Variants in GRID2 observed in about 807,000 individuals in gnomAD.
The protein encoded by GRID2 is glutamate ionotropic receptor delta type subunit 2.
GRID2 carries 33 observed loss-of-function variants against 114.8 expected under a neutral mutation model. That is an observed-to-expected ratio of 0.29 (90% confidence interval 0.22 to 0.38). The LOEUF (loss-of-function observed/expected upper bound fraction) is 0.38. Ranked by LOEUF, GRID2 falls within the 10% of genes least tolerant of loss-of-function variation. GRID2 has a pLI of 1.00. For synonymous variants in GRID2, 505 were observed against 449.9 expected, an observed-to-expected ratio of 1.12 and a Z score of -1.55; for missense variants, 1,184 against 1,257.7, an observed-to-expected ratio of 0.94 and a Z score of 0.89.
At chr4:93,457,401 A>T (rs1437047538) in intron 11 of GRID2, among the ~76,000 whole-genome samples, 1 of 152,086 alleles carries the variant, frequency 6.6e-6, no homozygotes, top group African/African-American at 2.4e-5. Context: ...AGCAGAGAGG[A>T]TCTAGTAAAG....
intron 2 of GRID2, among the ~76,000 whole-genome samples, chr4:92,714,773 A>G (rs140663204): frequency 2.0e-5 from 3 of 152,268 alleles, no homozygotes; most frequent in South Asian, 2.1e-4. Context: ...TGGAGTGGCT[A>G]GGACACAGGG....
At chr4:93,271,289 C>A (rs1383402927) in intron 8 of GRID2, among the ~76,000 whole-genome samples, 2 of 152,042 alleles carry the variant, frequency 1.3e-5, no homozygotes, top group African/African-American at 4.8e-5. Flanking sequence ...ATGAGAACAT[C>A]CATAAAAATG....
chr4:92,923,835 G>C (rs939420781), intron 2 of GRID2, among the ~76,000 whole-genome samples: 1 of 152,182 alleles, frequency 6.6e-6, no homozygotes, highest in African/African-American at 2.4e-5. Context: ...GTGGAAGTCA[G>C]TGAGGCAATT....
intron 1 of GRID2, among the ~76,000 whole-genome samples, chr4:92,442,487 A>G (rs1579369993): frequency 2.6e-5 from 4 of 152,084 alleles, no homozygotes. Flanking sequence ...GGCGTTTGGA[A>G]GTTCTTGTGT....
intron 8 of GRID2, among the ~76,000 whole-genome samples, chr4:93,314,522 G>A (rs916121234): frequency 2.0e-5 from 3 of 151,738 alleles, no homozygotes; most frequent in Non-Finnish European, 2.9e-5. Context: ...AAAGACCTTT[G>A]CCTGAAATGT....
At chr4:93,170,851 ATTCT>A (rs968277350) in intron 4 of GRID2, among the ~76,000 whole-genome samples, 5 of 143,962 alleles carry the variant, frequency 3.5e-5, no homozygotes, top group African/African-American at 1.4e-4. Flanking sequence ...GTCATGTTTG[ATTCT>A]TTTTTTTTTT....
chr4:93,802,110 G>T (rs2110367696), intron 1 of GRID2, among the ~76,000 whole-genome samples: 1 of 152,312 alleles, frequency 6.6e-6, no homozygotes, highest in Middle Eastern at 3.4e-3. Flanking sequence ...TTCCTGGGAA[G>T]TTCTTTCTGC....
intron 2 of GRID2, among the ~76,000 whole-genome samples, chr4:92,617,717 C>A (rs1183922378): frequency 6.6e-6 from 1 of 151,526 alleles, no homozygotes; most frequent in Non-Finnish European, 1.5e-5. Flanking sequence ...CAGTATGATA[C>A]AACATCATTA....
At chr4:93,115,094 G>GTGT (rs753667285) in intron 4 of GRID2, among the ~76,000 whole-genome samples, 1 of 136,896 alleles carries the variant, frequency 7.3e-6, no homozygotes, top group Non-Finnish European at 1.6e-5. Flanking sequence ...GTGTGTGCTT[G>GTGT]TGTGTGTGTG....
chr4:93,133,400 T>C (rs1734974162), intron 4 of GRID2, among the ~76,000 whole-genome samples: 1 of 152,224 alleles, frequency 6.6e-6, no homozygotes, highest in Non-Finnish European at 1.5e-5. Flanking sequence ...CTGCATAGTT[T>C]TGTGCTATGT....
chr4:92,647,044 A>G lies in GRID2; in HGVS notation c.244+56758A>G, dbSNP rs185431478. Among the ~76,000 whole-genome samples the G allele has an allele frequency of 5.9e-5, 9 of 152,342 alleles. No individual in the cohort carries two copies. In the East Asian group the frequency reaches 1.5e-3, roughly 26 times the overall value. The stretch of plus-strand genomic sequence containing the variant: ...CCTAAAAAGCTAAATAGCCACAACA[A>G]ATGTACAATGATCGGTTAGAGTGGG... On this transcript the variant is annotated intron_variant, in intron 2 of 15. Coordinates refer to ENST00000282020, the MANE Select transcript of GRID2 (RefSeq NM_001510.4).
At chr4:93,220,596 A>C (rs750471948) in intron 6 of GRID2, among the ~76,000 whole-genome samples, 30 of 152,302 alleles carry the variant, frequency 2.0e-4, no homozygotes, top group Middle Eastern at 3.4e-3. Context: ...TATCTAAATA[A>C]ATCAATCAAA....
intron 2 of GRID2, among the ~76,000 whole-genome samples, chr4:92,806,054 A>G (rs1186315549): frequency 1.3e-5 from 2 of 151,806 alleles, no homozygotes; most frequent in African/African-American, 2.4e-5. Flanking sequence ...ATCTGAAACA[A>G]TATTTCTCTC....
At chr4:93,735,544 T>G (rs1179913977) in intron 14 of GRID2, among the ~76,000 whole-genome samples, 2 of 152,016 alleles carry the variant, frequency 1.3e-5, no homozygotes, top group Admixed American at 1.3e-4. Flanking sequence ...CTTTAAGAAG[T>G]GTAATTTTAC....
intron 1 of GRID2, among the ~76,000 whole-genome samples, chr4:92,337,122 C>T (rs1384017205): frequency 6.6e-6 from 1 of 151,952 alleles, no homozygotes; most frequent in East Asian, 1.9e-4. Flanking sequence ...AGCCATATCT[C>T]CATTATTTAG....
At chr4:93,188,612 G>T (rs777761055) in intron 4 of GRID2, among the ~76,000 whole-genome samples, 3 of 152,092 alleles carry the variant, frequency 2.0e-5, no homozygotes, top group Admixed American at 6.6e-5. Flanking sequence ...CACATCCTTG[G>T]TGTTCTCTAT....
chr4:93,483,357 T>A (rs2870708), intron 11 of GRID2, among the ~76,000 whole-genome samples: 2,621 of 152,024 alleles, frequency 0.017, 62 homozygotes, highest in African/African-American at 0.06. Flanking sequence ...TTTATTTTTT[T>A]AAAAAAGGTA....
intron 1 of GRID2, among the ~76,000 whole-genome samples, chr4:92,514,752 G>T (rs1724422392): frequency 1.3e-5 from 2 of 151,790 alleles, no homozygotes; most frequent in African/African-American, 4.8e-5. Flanking sequence ...ACTGTACTTT[G>T]CTCTATGGCT....
chr4:93,240,171 C>T (rs1244835724), intron 8 of GRID2, among the ~76,000 whole-genome samples: 1 of 151,492 alleles, frequency 6.6e-6, no homozygotes, highest in Non-Finnish European at 1.5e-5. Flanking sequence ...GAACTGCCTG[C>T]AATATAAGAA....
Sources: gnomAD v4.1 joint callset for allele counts (sites outside exome capture counted in the v4.1 genomes callset) on GRCh38, gnomAD v4.1.1 for gene constraint, MANE v1.5 for transcripts, NCBI Gene and HGNC (gene_info 2026-07-23, HGNC 2026-07-21) for gene names.